The following NKAIN2 variants were observed in gnomAD, a reference collection of about 807,000 sequenced individuals.
NKAIN2 encodes sodium/potassium transporting ATPase interacting 2, also known as sodium/potassium-transporting ATPase subunit beta-1-interacting protein 2.
A neutral mutation model predicts 32.6 loss-of-function variants in NKAIN2; 14 were observed. The observed-to-expected ratio is 0.43, with a 90% CI of 0.28 to 0.67. The LOEUF (loss-of-function observed/expected upper bound fraction) is 0.67. NKAIN2 is among the 30% of genes least tolerant of loss of function. The pLI, the probability that NKAIN2 is intolerant of heterozygous loss-of-function variation, is 0.17. For synonymous variants in NKAIN2, 80 were observed against 87.2 expected (o/e 0.92, Z 0.46); for missense variants, 198 against 258.3 (o/e 0.77, Z 1.60).
chr6:124,560,295 C>T (rs1780641099), intron 3 of NKAIN2, among the ~76,000 whole-genome samples: 1 of 152,152 alleles, frequency 6.6e-6, no homozygotes, highest in Admixed American at 6.5e-5. Flanking sequence ...TTGCTTGGCA[C>T]TTCTCCTTTC....
At chr6:124,106,415 A>G (rs1036307100) in intron 1 of NKAIN2, among the ~76,000 whole-genome samples, 1 of 152,190 alleles carries the variant, frequency 6.6e-6, no homozygotes, top group Non-Finnish European at 1.5e-5. Context: ...TTAATTAAAG[A>G]TGAAATAAGA....
intron 5 of NKAIN2, chr6:124,794,732 G>T (rs1779925183): frequency 4.8e-6 from 1 of 207,802 alleles, no homozygotes. Context: ...CTTTCAGTTA[G>T]GTTCATTTAC....
chr6:124,344,588 GA>G, intron 2 of NKAIN2, among the ~76,000 whole-genome samples: 1 of 151,902 alleles, frequency 6.6e-6, no homozygotes, highest in Admixed American at 6.6e-5. Flanking sequence ...TATTCTCTTT[GA>G]AGCAATTGTG....
rs1239144739 is a variant in NKAIN2, at chr6:124,449,133, A to T, written c.273+93786A>T. On this transcript the variant is annotated intron_variant, in intron 3 of 6. Transcript: ENST00000368417. The stretch of plus-strand genomic sequence containing the variant: ...TAAGCCTACTAAGATTCTCATAGGA[A>T]GTCAGATAAGCGACCTAGTTTTAAT... Among the ~76,000 whole-genome samples, 4 of 152,294 alleles carry T rather than the reference A, an allele frequency of 2.6e-5. No homozygotes were observed. The East Asian group carries it at 7.7e-4, about 29-fold the overall frequency.
intron 4 of NKAIN2, among the ~76,000 whole-genome samples, chr6:124,777,399 A>G (rs1779028897): frequency 6.6e-6 from 1 of 152,158 alleles, no homozygotes; most frequent in African/African-American, 2.4e-5. Flanking sequence ...ACCTATTAGC[A>G]GGTGACTTTG....
Position 124,172,001 on chromosome 6 carries a change from A to AC in NKAIN2, c.55-111003dup, listed in dbSNP as rs373364285. Among the ~76,000 whole-genome samples the AC allele has an allele frequency of 3.8e-3, 579 of 151,220 alleles. 1 individual carries two copies. The highest frequency in any genetic ancestry group is 0.013 in the African/African-American group (533 of 41,102). ...CTAATTTTTTGTATTTTTAGTAGAG[A>AC]CGGGGTTTCACCGTGTTAGCCAGGG... On this transcript the variant is annotated intron_variant, in intron 1 of 6. Coordinates refer to ENST00000368417, the MANE Select transcript of NKAIN2 (RefSeq NM_001040214.3).
intron 3 of NKAIN2, among the ~76,000 whole-genome samples, chr6:124,461,973 T>C (rs1776550050): frequency 6.6e-6 from 1 of 151,862 alleles, no homozygotes; most frequent in South Asian, 2.1e-4. Flanking sequence ...ATGTGTATCT[T>C]CTGTGTAATT....
At chr6:124,592,339 G>A (rs1236013614) in intron 3 of NKAIN2, among the ~76,000 whole-genome samples, 4 of 152,142 alleles carry the variant, frequency 2.6e-5, no homozygotes. Context: ...TCTATTACAA[G>A]CGAGAAGATA....
At chr6:123,943,396 G>A (rs562775909) in intron 1 of NKAIN2, among the ~76,000 whole-genome samples, 1 of 152,050 alleles carries the variant, frequency 6.6e-6, no homozygotes, top group East Asian at 1.9e-4. Flanking sequence ...ACTCCTTTAG[G>A]AAAACTGTCA....
intron 1 of NKAIN2, among the ~76,000 whole-genome samples, chr6:123,992,592 C>T (rs1217000352): frequency 6.6e-6 from 1 of 152,120 alleles, no homozygotes; most frequent in East Asian, 1.9e-4. Flanking sequence ...TGAGTTAAGA[C>T]ATTATTGAAT....
At chr6:123,898,551 GT>G (rs11348160) in intron 1 of NKAIN2, among the ~76,000 whole-genome samples, 29,389 of 131,628 alleles carry the variant, frequency 0.22, 3,222 homozygotes, top group African/African-American at 0.38. Context: ...CTCCAGGGGT[GT>G]TTTTTTTTTT....
intron 1 of NKAIN2, among the ~76,000 whole-genome samples, chr6:123,880,339 A>T (rs747613892): frequency 3.3e-5 from 5 of 152,220 alleles, no homozygotes; most frequent in Non-Finnish European, 7.3e-5. Flanking sequence ...TTAAATTTCT[A>T]TTCCAAATGA....
intron 1 of NKAIN2, among the ~76,000 whole-genome samples, chr6:124,173,505 G>A (rs1210259640): frequency 2.0e-5 from 3 of 152,036 alleles, no homozygotes; most frequent in Non-Finnish European, 4.4e-5. Flanking sequence ...ACAAGAAAGT[G>A]CATAAAAAAT....
intron 3 of NKAIN2, among the ~76,000 whole-genome samples, chr6:124,510,467 G>A (rs901216900): frequency 1.3e-5 from 2 of 152,102 alleles, no homozygotes; most frequent in African/African-American, 2.4e-5. Context: ...TTAAATGCGT[G>A]CTTTCTCATA....
intron 1 of NKAIN2, among the ~76,000 whole-genome samples, chr6:124,002,400 C>A (rs1181634927): frequency 6.6e-6 from 1 of 152,068 alleles, no homozygotes; most frequent in Non-Finnish European, 1.5e-5. Context: ...TTACAAAGAA[C>A]TAAGTCCTCA....
intron 4 of NKAIN2, among the ~76,000 whole-genome samples, chr6:124,786,351 C>T (rs1310910894): frequency 2.0e-5 from 3 of 152,020 alleles, no homozygotes; most frequent in African/African-American, 7.2e-5. Context: ...GGAAAGGTAT[C>T]CTTCCCATTG....
intron 1 of NKAIN2, among the ~76,000 whole-genome samples, chr6:124,105,798 G>A (rs1785090390): frequency 6.6e-6 from 1 of 152,046 alleles, no homozygotes; most frequent in Non-Finnish European, 1.5e-5. Flanking sequence ...GTTGTAAGAG[G>A]GAATTCATAA....
At chr6:123,915,565 TA>T (rs1775448154) in intron 1 of NKAIN2, among the ~76,000 whole-genome samples, 1 of 152,214 alleles carries the variant, frequency 6.6e-6, no homozygotes, top group South Asian at 2.1e-4. Context: ...TTTCAAAGTC[TA>T]GTTCCTATGG....
chr6:124,239,523 A>C (rs1792959952), intron 1 of NKAIN2, among the ~76,000 whole-genome samples: 1 of 152,196 alleles, frequency 6.6e-6, no homozygotes, highest in South Asian at 2.1e-4. Flanking sequence ...AATGAAAAAG[A>C]ACGAAAATCA....
Sources: allele counts gnomAD v4.1 joint callset (sites outside exome capture counted in the v4.1 genomes callset), GRCh38; gene constraint gnomAD v4.1.1; transcripts MANE v1.5; gene names NCBI Gene and HGNC (gene_info 2026-07-23, HGNC 2026-07-21).